TDRD9: variants seen among roughly 807,000 people sequenced by gnomAD.
TDRD9 encodes the protein ATP-dependent RNA helicase TDRD9.
In TDRD9, 124 loss-of-function variants were observed where a neutral mutation model predicts 172.6. The observed-to-expected ratio is 0.72, with a 90% CI of 0.62 to 0.83. The LOEUF (loss-of-function observed/expected upper bound fraction) is 0.83. Among genes scored for constraint, TDRD9 ranks in the 40% least tolerant of loss-of-function variants. The pLI, the probability that TDRD9 is intolerant of heterozygous loss-of-function variation, is 0.00. For missense variants in TDRD9, 1,479 were observed against 1,714.1 expected (o/e 0.86, Z 2.42); for synonymous variants, 619 against 617.1 (o/e 1.00, Z -0.05).
chr14:103,934,187 A>G (rs1221508724), intron 1 of TDRD9, among the ~76,000 whole-genome samples: 1 of 151,792 alleles, frequency 6.6e-6, no homozygotes, highest in East Asian at 1.9e-4. Context: ...TGGCTAATTT[A>G]TTTTTTGTAA....
chr14:103,948,058 G>A (rs1040209320), intron 1 of TDRD9, among the ~76,000 whole-genome samples: 1 of 152,170 alleles, frequency 6.6e-6, no homozygotes, highest in Non-Finnish European at 1.5e-5. Context: ...CTGTTGCCTA[G>A]GCTGGAGTGC....
chr14:103,988,348 A>G (rs1449112482), intron 8 of TDRD9, among the ~76,000 whole-genome samples: 1 of 151,938 alleles, frequency 6.6e-6, no homozygotes, highest in African/African-American at 2.4e-5. Flanking sequence ...TAATTTTTGT[A>G]TTTTTAGTAG....
At chr14:103,955,541 A>G (rs565511414) in intron 1 of TDRD9, 123 bp from the exon 2 acceptor site, 10 of 609,002 alleles carry the variant, frequency 1.6e-5, no homozygotes, top group Middle Eastern at 4.6e-4. Context: ...GTTTGAGTGT[A>G]TATTCATTTG....
intron 3 of TDRD9, among the ~76,000 whole-genome samples, chr14:103,963,441 A>G (rs1167855984): frequency 6.6e-6 from 1 of 152,140 alleles, no homozygotes; most frequent in Admixed American, 6.5e-5. Context: ...TAGTTTATCT[A>G]GTCTTTCCTT....
At chr14:104,001,395 C>T (rs1377962911) in intron 13 of TDRD9, among the ~76,000 whole-genome samples, 1 of 152,204 alleles carries the variant, frequency 6.6e-6, no homozygotes, top group Non-Finnish European at 1.5e-5. Flanking sequence ...ATACAAGCTG[C>T]ACGTAGCAGT....
At chr14:104,032,193 A>ATCTTT (rs139771860) in intron 30 of TDRD9, 106 bp downstream of exon 30, 90 of 612,820 alleles carry the variant, frequency 1.5e-4, no homozygotes, top group African/African-American at 1.1e-3. Context: ...GGAATGTGTT[A>ATCTTT]TCTTTTCTTT....
At chr14:103,952,209 T>TAC (rs1566734751) in intron 1 of TDRD9, among the ~76,000 whole-genome samples, 10 of 84,504 alleles carry the variant, frequency 1.2e-4, no homozygotes, top group Admixed American at 3.7e-4. Context: ...TATATATATA[T>TAC]ATATATATAT....
chr14:104,017,880 A>T (rs1200569371), intron 22 of TDRD9, among the ~76,000 whole-genome samples: 11 of 152,258 alleles, frequency 7.2e-5, no homozygotes, highest in Non-Finnish European at 5.9e-5. Flanking sequence ...CAGGGTTAGA[A>T]TTAGCCTTTA....
intron 32 of TDRD9, among the ~76,000 whole-genome samples, chr14:104,035,540 G>C (rs2035425740): frequency 6.6e-6 from 1 of 152,220 alleles, no homozygotes; most frequent in Non-Finnish European, 1.5e-5. Flanking sequence ...GACTTTGATA[G>C]AGAGGAGTGT....
chr14:104,008,481 T>C lies in TDRD9; in HGVS notation c.2106+15T>C. Reference sequence around the variant, plus strand: ...GAATTAGAGAGGTAAGTTAAGTTTTTTGACCAAATGGATGCAAATAAAGTT... The same window carrying C: ...GAATTAGAGAGGTAAGTTAAGTTTTCTGACCAAATGGATGCAAATAAAGTT... On this transcript the variant is annotated intron_variant, in intron 20 of 35. Transcript: ENST00000409874. The C allele has an allele frequency of 6.6e-7, 1 of 1,515,374 alleles. No individual in the cohort carries two copies. The highest frequency in any genetic ancestry group is 9.1e-7 in the Non-Finnish European group (1 of 1,096,044). The allele number at this position is 1,515,374 out of a possible 1,614,324, so 93.9% of individuals were successfully genotyped here. A position where few individuals can be genotyped will look rare whatever the true frequency, so the allele number is the denominator to read the frequency against.
intron 11 of TDRD9, among the ~76,000 whole-genome samples, chr14:103,995,504 C>T (rs1486903303): frequency 3.3e-5 from 5 of 152,144 alleles, no homozygotes; most frequent in Non-Finnish European, 7.3e-5. Context: ...AGGAATAGCT[C>T]CCTTTGCCCG....
intron 5 of TDRD9, among the ~76,000 whole-genome samples, chr14:103,967,254 A>G (rs2032788269): frequency 6.8e-6 from 1 of 147,416 alleles, no homozygotes; most frequent in Non-Finnish European, 1.5e-5. Context: ...TGTAATCCCG[A>G]TACTCTGGGA....
intron 23 of TDRD9, among the ~76,000 whole-genome samples, chr14:104,018,893 C>T (rs1427375239): frequency 6.6e-6 from 1 of 152,124 alleles, no homozygotes; most frequent in Non-Finnish European, 1.5e-5. Context: ...ACATTAAGTC[C>T]ATTTTCAATT....
chr14:103,945,974 T>G (rs943822275), intron 1 of TDRD9, among the ~76,000 whole-genome samples: 7 of 151,828 alleles, frequency 4.6e-5, no homozygotes, highest in African/African-American at 1.7e-4. Context: ...TTCTGTTTTT[T>G]TTTTTCTTTT....
intron 22 of TDRD9, among the ~76,000 whole-genome samples, chr14:104,016,511 T>C (rs1232340584): frequency 6.6e-6 from 1 of 152,212 alleles, no homozygotes; most frequent in African/African-American, 2.4e-5. Context: ...CAGAACTACC[T>C]GGAGAGTGCT....
rs1485866336 is a variant in TDRD9, at chr14:104,042,163, A to C, written c.3950A>C (p.Asp1317Ala). 6.2e-7 allele frequency: 1 copy of C among 1,612,878 alleles called. No homozygotes were observed. The highest frequency in any genetic ancestry group is 1.1e-5 in the South Asian group (1 of 91,052). Residue 1317 changes from aspartate (D) to alanine (A), a missense_variant, in exon 34 of 36, where the codon GAC becomes GCC. By Grantham distance (126) the Asp-to-Ala change is moderately radical. Coordinates refer to ENST00000409874, the MANE Select transcript of TDRD9 (RefSeq NM_153046.3). ...LGPERVAQLQ[D>A]IARQKLLGLF... Reference sequence around the variant, plus strand: ...CCAGAGAGAGTTGCGCAGCTTCAAGACATTGCCCGTCAGAAGCTTTTAGGG... The same window carrying C: ...CCAGAGAGAGTTGCGCAGCTTCAAGCCATTGCCCGTCAGAAGCTTTTAGGG...
intron 5 of TDRD9, among the ~76,000 whole-genome samples, chr14:103,967,081 T>A (rs2032782364): frequency 6.6e-6 from 1 of 152,192 alleles, no homozygotes; most frequent in Non-Finnish European, 1.5e-5. Flanking sequence ...TCTTAAACTC[T>A]TGTGTTTTAA....
intron 34 of TDRD9, among the ~76,000 whole-genome samples, chr14:104,043,276 C>G (rs2035662456): frequency 6.7e-6 from 1 of 149,908 alleles, no homozygotes; most frequent in Non-Finnish European, 1.5e-5. Flanking sequence ...GAGTCTTGCT[C>G]TGTCACCCAG....
intron 1 of TDRD9, chr14:103,945,612 G>A (rs745894604): frequency 5.9e-5 from 9 of 152,194 alleles, no homozygotes; most frequent in Non-Finnish European, 1.2e-4. Context: ...AACTTCCTAG[G>A]ATATTTTGTG....
Sources: gnomAD v4.1 joint callset for allele counts (sites outside exome capture counted in the v4.1 genomes callset) on GRCh38, gnomAD v4.1.1 for gene constraint, MANE v1.5 for transcripts, NCBI Gene and HGNC (gene_info 2026-07-23, HGNC 2026-07-21) for gene names.